The following DNAJB4 variants were observed in gnomAD, a reference collection of about 807,000 sequenced individuals.
DNAJB4 encodes the protein dnaJ homolog subfamily B member 4.
A neutral mutation model predicts 26.6 loss-of-function variants in DNAJB4; 10 were observed. The ratio of observed to expected loss-of-function variants is 0.38; its 90% CI spans 0.23 to 0.64. The LOEUF is 0.64. DNAJB4 is among the 30% of genes least tolerant of loss of function. The pLI is 0.58. For synonymous variants in DNAJB4, 136 were observed against 134.8 expected (o/e 1.01, Z -0.06); for missense variants, 328 against 408.2 (o/e 0.80, Z 1.69).
At chr1:78,004,058 A>G (rs575990148), upstream of DNAJB4, among the ~76,000 whole-genome samples, 2 of 152,218 alleles carry the variant, frequency 1.3e-5, no homozygotes, top group African/African-American at 2.4e-5. Flanking sequence ...TCCAAATTTT[A>G]CATTGATGCA....
chr1:77,980,455 A>T (rs966830404), intron 1 of DNAJB4: 34 of 152,026 alleles, frequency 2.2e-4, no homozygotes, highest in Admixed American at 2.2e-3. Flanking sequence ...ATATCGTGGC[A>T]TGTAATTTAC....
chr1:77,998,524 A>G (rs1454402041), intron 1 of DNAJB4, among the ~76,000 whole-genome samples: 1 of 152,184 alleles, frequency 6.6e-6, no homozygotes, highest in African/African-American at 2.4e-5. Flanking sequence ...TGTAACGTAG[A>G]TAAGGTAAGA....
chr1:77,990,136 T>C (rs1389856054), intron 1 of DNAJB4, among the ~76,000 whole-genome samples: 1 of 152,212 alleles, frequency 6.6e-6, no homozygotes, highest in Non-Finnish European at 1.5e-5. Flanking sequence ...ATCTGTTAGC[T>C]AGAAAGAAGA....
At chr1:77,986,260 T>C (rs1014728732) in intron 1 of DNAJB4, among the ~76,000 whole-genome samples, 2 of 152,218 alleles carry the variant, frequency 1.3e-5, no homozygotes, top group African/African-American at 4.8e-5. Flanking sequence ...CATAAAATAA[T>C]GTGTGCCATG....
At chr1:77,987,263 C>T (rs989650060) in intron 1 of DNAJB4, among the ~76,000 whole-genome samples, 1 of 152,176 alleles carries the variant, frequency 6.6e-6, no homozygotes, top group Non-Finnish European at 1.5e-5. Context: ...CACCTACACT[C>T]TTCCCAAATT....
rs562243187 is a variant in DNAJB4 at position 78,013,700 on chromosome 1, A to G, written c.780+81A>G. ...GGAGTGTATCTAGATAATAGCTAAC[A>G]TTTATTTAATGCCTATTATACGTTA... On this transcript the variant is annotated intron_variant, in intron 2 of 2. Transcript: ENST00000370763. The G allele has an allele frequency of 5.6e-6, 6 of 1,080,246 alleles. No individual in the cohort carries two copies. In the African/African-American group the frequency reaches 9.4e-5, roughly 17 times the overall value. 66.9% of individuals were successfully genotyped at this position (1,080,246 alleles called of 1,614,324 possible).
intron 1 of DNAJB4, among the ~76,000 whole-genome samples, chr1:78,012,753 G>A (rs950271527): frequency 6.6e-6 from 1 of 152,132 alleles, no homozygotes; most frequent in Non-Finnish European, 1.5e-5. Flanking sequence ...AGGTTGCGGT[G>A]AGCCAAGATT....
In DNAJB4 at chr1:77,994,932, T is replaced by A. The variant is rs117099793; in HGVS notation, c.-31-10148T>A. On this transcript the variant is annotated intron_variant, in intron 1 of 2. Coordinates refer to the DNAJB4 transcript ENST00000426517. ...TAAATGTGCATGTGAGAGGTATGTA[T>A]GTGTGGTATACTTGGGCTGAGATTC... Among the ~76,000 whole-genome samples the A allele has an allele frequency of 8.3e-4, 126 of 152,288 alleles. 3 individuals are homozygous for A. In the East Asian group the frequency reaches 0.023, roughly 28 times the overall value.
At position 78,012,123 on chromosome 1, in the gene DNAJB4, G is replaced by GACAA. The variant is rs71075781; in HGVS notation, c.212-928_212-927insACAA. 4.2e-5 allele frequency among the ~76,000 whole-genome samples: 6 copies of GACAA among 144,068 alleles called. No homozygotes were observed. The East Asian group carries it at 8.4e-4, about 20-fold the overall frequency. 94.5% of individuals were successfully genotyped at this position (144,068 alleles called of 152,430 possible). ...AGCATGCCAGATCAGTAGTTTATAA[G>GACAA]GAGTTCCCAGTTTTATTTTCTTTTT... On this transcript the variant is annotated intron_variant, in intron 1 of 2. Coordinates refer to ENST00000370763, the MANE Select transcript of DNAJB4 (RefSeq NM_007034.5).
rs143969184 is a variant in DNAJB4 at position 77,998,762 on chromosome 1, C to T, written c.-31-6318C>T. On this transcript the variant is annotated intron_variant, in intron 1 of 2. Coordinates refer to the DNAJB4 transcript ENST00000426517. ...CTGAGGTGGGAAAATGGCTTGAGCT[C>T]AGGAGGTCGAGGCTGCAGTGAGCTG... is the stretch of plus-strand genomic sequence containing the variant. Among the ~76,000 whole-genome samples, 203 of 152,034 alleles carry T rather than the reference C, an allele frequency of 1.3e-3. 1 individual carries two copies. Among genetic ancestry groups the T allele is most frequent in the African/African-American group, 4.7e-3 (196 of 41,470 alleles).
In DNAJB4 at chr1:78,013,122, C is replaced by T. The variant is rs748229141; in HGVS notation, c.283C>T (p.His95Tyr). The T allele has an allele frequency of 7.4e-6, 12 of 1,614,028 alleles. No homozygotes were observed. The highest frequency in any genetic ancestry group is 1.3e-5 in the African/African-American group (1 of 74,922). Residue 95 changes from histidine to tyrosine, a missense_variant, in exon 2 of 3, where the codon CAT becomes TAT. Physicochemically the swap from His to Tyr is moderately conservative, Grantham distance 83 (BLOSUM62 2). Transcript: ENST00000370763. ...CCGGTACACCTTTCATGGCGATCCT[C>T]ATGCTACATTTGCTGCATTTTTCGG... is the stretch of plus-strand genomic sequence containing the variant. ...TFRYTFHGDP[H>Y]ATFAAFFGGS... is the part of the protein sequence containing the mutation.
chr1:77,997,160 T>C (rs2102598089), intron 1 of DNAJB4, among the ~76,000 whole-genome samples: 1 of 152,058 alleles, frequency 6.6e-6, no homozygotes, highest in East Asian at 1.9e-4. Flanking sequence ...TTGAAGAGCA[T>C]AAAAGAGCAG....
upstream of DNAJB4, among the ~76,000 whole-genome samples, chr1:78,000,902 A>G (rs1660174563): frequency 6.6e-6 from 1 of 152,086 alleles, no homozygotes; most frequent in African/African-American, 2.4e-5. Context: ...AGATTTCTTA[A>G]AACCCGGGAG....
chr1:78,002,874 TCTAGGGAGC>T (rs1660225027), upstream of DNAJB4, among the ~76,000 whole-genome samples: 1 of 152,190 alleles, frequency 6.6e-6, no homozygotes, highest in African/African-American at 2.4e-5. Context: ...CTTTTCAGTG[TCTAGGGAGC>T]CAGATTTCTT....
At chr1:77,983,155 A>G (rs931169865) in intron 1 of DNAJB4, among the ~76,000 whole-genome samples, 1 of 152,246 alleles carries the variant, frequency 6.6e-6, no homozygotes, top group Non-Finnish European at 1.5e-5. Flanking sequence ...CATCATAGAC[A>G]AGGTAAAGGA....
At chr1:77,991,326 T>A (rs1659926870) in intron 1 of DNAJB4, among the ~76,000 whole-genome samples, 2 of 152,212 alleles carry the variant, frequency 1.3e-5, no homozygotes, top group Admixed American at 1.3e-4. Context: ...TGATTCTCAT[T>A]ATTTGTCAGT....
upstream of DNAJB4, chr1:78,004,822 C>T (rs41311176): frequency 0.016 from 5,045 of 324,934 alleles, 81 homozygotes; most frequent in Non-Finnish European, 0.019. Flanking sequence ...GGGAAAGTGA[C>T]GTCCTGTAGC....
chr1:78,005,057 G>A lies in DNAJB4; in HGVS notation c.-54G>A, dbSNP rs1010245687. The stretch of plus-strand genomic sequence containing the variant: ...TCTTAGAATCTGTTGCTAAGACTGG[G>A]GACGCTGTTTTCTTTTACAAAGGGA... On this transcript the variant is annotated 5_prime_UTR_variant, in exon 1 of 3. Coordinates refer to ENST00000370763, the MANE Select transcript of DNAJB4 (RefSeq NM_007034.5). 11 of 1,546,112 alleles carry A rather than the reference G, an allele frequency of 7.1e-6. No individual in the cohort carries two copies. The African/African-American group carries it at 1.2e-4, about 18-fold the overall frequency.
upstream of DNAJB4, among the ~76,000 whole-genome samples, chr1:78,001,544 A>G (rs977124096): frequency 3.3e-5 from 5 of 152,132 alleles, no homozygotes; most frequent in Non-Finnish European, 7.3e-5. Flanking sequence ...TTATAAACTG[A>G]GAAATGATTT....
Sources: allele counts gnomAD v4.1 joint callset (sites outside exome capture counted in the v4.1 genomes callset), GRCh38; gene constraint gnomAD v4.1.1; transcripts MANE v1.5; gene names NCBI Gene and HGNC (gene_info 2026-07-23, HGNC 2026-07-21).